Variants in SLCO5A1 observed in about 807,000 individuals in gnomAD.
The protein encoded by SLCO5A1 is solute carrier organic anion transporter family member 5A1, also known as organic anion transporter polypeptide-related protein 4.
In SLCO5A1, 39 loss-of-function variants were observed where a neutral mutation model predicts 65.1. The ratio of observed to expected loss-of-function variants is 0.60; its 90% confidence interval spans 0.46 to 0.78. The LOEUF (loss-of-function observed/expected upper bound fraction) is 0.78. Among genes scored for constraint, SLCO5A1 ranks in the 30% least tolerant of loss-of-function variants. The pLI is 0.00. For synonymous variants in SLCO5A1, 438 were observed against 415.7 expected (o/e 1.05, Z -0.65); for missense variants, 1,029 against 1,069.4 (o/e 0.96, Z 0.53).
intron 8 of SLCO5A1, among the ~76,000 whole-genome samples, chr8:69,677,832 T>C (rs1181168058): frequency 3.3e-5 from 5 of 152,200 alleles, no homozygotes; most frequent in Non-Finnish European, 5.9e-5. Context: ...GTGCCCAGCA[T>C]TGTGGCATCT....
At chr8:69,696,105 C>G (rs1045174871) in intron 6 of SLCO5A1, among the ~76,000 whole-genome samples, 1 of 152,114 alleles carries the variant, frequency 6.6e-6, no homozygotes, top group African/African-American at 2.4e-5. Context: ...GCTGGGCAAG[C>G]CCAGCAGCAG....
At chr8:69,742,736 G>A (rs575515367) in intron 4 of SLCO5A1, among the ~76,000 whole-genome samples, 28 of 150,718 alleles carry the variant, frequency 1.9e-4, no homozygotes, top group Non-Finnish European at 4.1e-4. Flanking sequence ...GCACCCAGGG[G>A]CCTCCAAAGC....
intron 5 of SLCO5A1, among the ~76,000 whole-genome samples, chr8:69,717,329 T>C (rs2130823139): frequency 6.6e-6 from 1 of 152,318 alleles, no homozygotes; most frequent in African/African-American, 2.4e-5. Context: ...TATTCAGTTG[T>C]CCCAGCACCA....
chr8:69,687,253 C>A (rs903453809), intron 6 of SLCO5A1, among the ~76,000 whole-genome samples: 1 of 152,146 alleles, frequency 6.6e-6, no homozygotes, highest in Admixed American at 6.5e-5. Flanking sequence ...TGGGCCAAAT[C>A]TTTTCGTCTA....
intron 6 of SLCO5A1, chr8:69,700,202 G>T (rs1480191235): frequency 1.3e-5 from 2 of 152,222 alleles, no homozygotes; most frequent in Admixed American, 1.3e-4. Flanking sequence ...ATATGAAATG[G>T]TGATAAATAA....
intron 2 of SLCO5A1, among the ~76,000 whole-genome samples, chr8:69,796,271 G>A (rs1353042382): frequency 6.7e-6 from 1 of 150,338 alleles, no homozygotes; most frequent in African/African-American, 2.5e-5. Context: ...CCTACCTCAT[G>A]GCCAGGCTGG....
chr8:69,680,520 T>C (rs1035542870), intron 7 of SLCO5A1, among the ~76,000 whole-genome samples: 2 of 152,252 alleles, frequency 1.3e-5, no homozygotes, highest in African/African-American at 4.8e-5. Flanking sequence ...ACATTTTCTT[T>C]ATGGAATTCA....
chr8:69,803,206 G>C (rs1819833076), intron 2 of SLCO5A1, among the ~76,000 whole-genome samples: 1 of 152,018 alleles, frequency 6.6e-6, no homozygotes, highest in Non-Finnish European at 1.5e-5. Context: ...ATCTGAGGTT[G>C]AGAGTTCAAG....
chr8:69,781,740 C>T (rs979294769), intron 2 of SLCO5A1, among the ~76,000 whole-genome samples: 8 of 152,234 alleles, frequency 5.3e-5, no homozygotes, highest in African/African-American at 1.9e-4. Context: ...TCATCACAAC[C>T]TCCACCTCCC....
At chr8:69,728,020 T>C (rs1816162770) in intron 5 of SLCO5A1, among the ~76,000 whole-genome samples, 1 of 152,160 alleles carries the variant, frequency 6.6e-6, no homozygotes, top group Non-Finnish European at 1.5e-5. Flanking sequence ...TATCATGTCA[T>C]AGCAGAAGAA....
At chr8:69,779,473 T>C (rs1818712061) in intron 2 of SLCO5A1, among the ~76,000 whole-genome samples, 1 of 152,166 alleles carries the variant, frequency 6.6e-6, no homozygotes. Context: ...TATAAAGGCA[T>C]AAACCCAAAG....
chr8:69,801,858 G>A (rs1327977696), intron 2 of SLCO5A1, among the ~76,000 whole-genome samples: 1 of 152,162 alleles, frequency 6.6e-6, no homozygotes. Context: ...AGGCAACAGA[G>A]GCCAGGTCCC....
intron 6 of SLCO5A1, among the ~76,000 whole-genome samples, chr8:69,694,075 C>A (rs1431718867): frequency 2.6e-5 from 4 of 152,194 alleles, no homozygotes; most frequent in African/African-American, 9.7e-5. Flanking sequence ...TATCAGAAAG[C>A]CATGCAGTAT....
intron 2 of SLCO5A1, among the ~76,000 whole-genome samples, chr8:69,763,412 C>G (rs1377321810): frequency 6.7e-6 from 1 of 149,392 alleles, no homozygotes. Flanking sequence ...GTCAGGAGTT[C>G]GAGACCAGCC....
intron 2 of SLCO5A1, among the ~76,000 whole-genome samples, chr8:69,823,904 A>T (rs1301876444): frequency 1.3e-5 from 2 of 152,242 alleles, no homozygotes; most frequent in Non-Finnish European, 2.9e-5. Flanking sequence ...AATGTAAAAG[A>T]TCAGAAATTA....
chr8:69,755,428 G>T lies in SLCO5A1; in HGVS notation c.1254C>A (p.Val418=). The stretch of plus-strand genomic sequence containing the variant: ...TATTCAAGAGGTATACTTTACCTCT[G>T]ACATCCTTTCCAAATCCCATCGAAG... ...KVSSMGFGKD[V]RDLPRAAVRI... is the part of the protein sequence containing the mutation. The change falls in exon 4 of 10, where the codon GTC becomes GTA. Residue 418 remains valine, a synonymous_variant. Transcript: ENST00000260126. 2 of 1,612,682 alleles carry T rather than the reference G, an allele frequency of 1.2e-6. No homozygotes were observed. Among genetic ancestry groups the T allele is most frequent in the South Asian group, 2.2e-5 (2 of 90,990 alleles).
At chr8:69,765,634 T>C (rs1315738587) in intron 2 of SLCO5A1, among the ~76,000 whole-genome samples, 1 of 152,154 alleles carries the variant, frequency 6.6e-6, no homozygotes, top group Non-Finnish European at 1.5e-5. Flanking sequence ...CTCTCAGTCC[T>C]TCCTACTGAC....
rs546784400 is a variant in SLCO5A1 at position 69,816,051 on chromosome 8, T to C, written c.907+15716A>G. Among the ~76,000 whole-genome samples the C allele has an allele frequency of 5.3e-5, 8 of 152,318 alleles. No homozygotes were observed. In the East Asian group the frequency reaches 1.3e-3, roughly 26 times the overall value. Reference sequence around the variant, plus strand: ...ATCCATATATTCAATACTTCTCTGATTCTATGATCTAGAGATTTTTGACTT... The same window carrying C: ...ATCCATATATTCAATACTTCTCTGACTCTATGATCTAGAGATTTTTGACTT... On this transcript the variant is annotated intron_variant, in intron 2 of 9. Coordinates refer to ENST00000260126, the MANE Select transcript of SLCO5A1 (RefSeq NM_030958.3).
chr8:69,813,712 A>G (rs956238435), intron 2 of SLCO5A1, among the ~76,000 whole-genome samples: 4 of 152,240 alleles, frequency 2.6e-5, no homozygotes, highest in Non-Finnish European at 5.9e-5. Context: ...CAAGTTGCAG[A>G]AAAAGACCAC....
Sources: allele counts gnomAD v4.1 joint callset (sites outside exome capture counted in the v4.1 genomes callset), GRCh38; gene constraint gnomAD v4.1.1; transcripts MANE v1.5; gene names NCBI Gene and HGNC (gene_info 2026-07-23, HGNC 2026-07-21).